The following PCDHGB7 variants were observed in gnomAD, a reference collection of about 807,000 sequenced individuals.
PCDHGB7 encodes the protein protocadherin gamma subfamily B, 7, also known as protocadherin gamma-B7.
Under a neutral mutation model 61.4 loss-of-function variants are expected in PCDHGB7, and 37 were observed. That is an observed-to-expected ratio of 0.60 (90% CI 0.46 to 0.79). The LOEUF (loss-of-function observed/expected upper bound fraction) is 0.79, where lower values mean the gene tolerates loss of function less well. Among genes scored for constraint, PCDHGB7 ranks in the 30% least tolerant of loss-of-function variants. PCDHGB7 has a pLI of 0.00. For synonymous variants in PCDHGB7, 464 were observed against 503.5 expected, an observed-to-expected ratio of 0.92 and a Z score of 1.05; for missense variants, 1,166 against 1,202.5, an observed-to-expected ratio of 0.97 and a Z score of 0.45.
intron 3 of PCDHGB7, among the ~76,000 whole-genome samples, chr5:141,505,973 G>A (rs1207489923): frequency 6.6e-6 from 1 of 152,166 alleles, no homozygotes; most frequent in Non-Finnish European, 1.5e-5. Context: ...ATCCCCAGCC[G>A]AGAGAACACC....
intron 1 of PCDHGB7, among the ~76,000 whole-genome samples, chr5:141,439,689 A>G (rs1193986599): frequency 6.6e-6 from 1 of 152,218 alleles, no homozygotes; most frequent in Non-Finnish European, 1.5e-5. Flanking sequence ...CAGACCCACA[A>G]CATTCCTATT....
chr5:141,480,250 A>T (rs2099515553), intron 1 of PCDHGB7, among the ~76,000 whole-genome samples: 2 of 151,988 alleles, frequency 1.3e-5, no homozygotes, highest in African/African-American at 4.8e-5. Context: ...CAAAAAAAAA[A>T]AAAAATGTGT....
rs551396089 is a variant in PCDHGB7, at chr5:141,423,798, A to T, written c.2415+3524A>T. On this transcript the variant is annotated intron_variant, in intron 1 of 3. Coordinates refer to ENST00000398594, the MANE Select transcript of PCDHGB7 (RefSeq NM_018927.4). ...TATTTAGTTCATATATATTTAGAGC[A>T]ATACATGTGAGTTTTACTTTGCCTT... is the stretch of plus-strand genomic sequence containing the variant. 3.3e-6 allele frequency: 4 copies of T among 1,222,280 alleles called. No homozygotes were observed. The South Asian group carries it at 1.1e-4, about 33-fold the overall frequency. 75.7% of individuals were successfully genotyped at this position (1,222,280 alleles called of 1,614,324 possible). A position where few individuals can be genotyped will look rare whatever the true frequency, so the allele number is the denominator to read the frequency against.
intron 1 of PCDHGB7, among the ~76,000 whole-genome samples, chr5:141,472,136 A>T (rs1172420221): frequency 1.1e-4 from 17 of 152,262 alleles, no homozygotes; most frequent in Non-Finnish European, 2.5e-4. Flanking sequence ...AGTTAAAAAT[A>T]AAAGTTTCAT....
chr5:141,422,685 C>G lies in PCDHGB7; in HGVS notation c.2415+2411C>G, dbSNP rs754112462. The G allele has an allele frequency of 2.5e-6, 4 of 1,605,144 alleles. No individual in the cohort carries two copies. The South Asian group carries it at 4.5e-5, about 18-fold the overall frequency. On this transcript the variant is annotated intron_variant, in intron 1 of 3. Coordinates refer to ENST00000398594, the MANE Select transcript of PCDHGB7 (RefSeq NM_018927.4). ...TCGACCCGGACAGCAAACAGAATGCCCTGGTCACTTACTCTCTGACGGATG... is the reference window on the plus strand; with the variant it reads ...TCGACCCGGACAGCAAACAGAATGCGCTGGTCACTTACTCTCTGACGGATG...
At chr5:141,463,301 A>G (rs1277348576) in intron 1 of PCDHGB7, among the ~76,000 whole-genome samples, 2 of 151,638 alleles carry the variant, frequency 1.3e-5, no homozygotes, top group South Asian at 2.1e-4. Flanking sequence ...AATCTCCCCA[A>G]ACTCTAATAT....
At chr5:141,423,598 C>A in intron 1 of PCDHGB7, 1 of 1,612,940 alleles carries the variant, frequency 6.2e-7, no homozygotes, top group East Asian at 2.2e-5. Flanking sequence ...GAAAAGCGAG[C>A]CACTCTTGAT....
intron 1 of PCDHGB7, chr5:141,421,722 G>C: frequency 6.2e-7 from 1 of 1,613,972 alleles, no homozygotes; most frequent in Non-Finnish European, 8.5e-7. Flanking sequence ...ATGTGGGCGT[G>C]AACTCCCTCC....
rs561499055 is a variant in PCDHGB7 at position 141,423,745 on chromosome 5, C to G, written c.2415+3471C>G. 10 of 605,688 alleles carry G rather than the reference C, an allele frequency of 1.7e-5. No individual in the cohort carries two copies. The East Asian group carries it at 3.1e-4, about 19-fold the overall frequency. The allele number at this position is 605,688 out of a possible 1,614,324, so 37.5% of individuals were successfully genotyped here. A position where few individuals can be genotyped will look rare whatever the true frequency, so the allele number is the denominator to read the frequency against. The stretch of plus-strand genomic sequence containing the variant: ...ATGTTTTTTGAGCCTGTTATGAAAA[C>G]TGTTTGGGGGGGGGGTGGGGCGGCA... On this transcript the variant is annotated intron_variant, in intron 1 of 3. Coordinates refer to ENST00000398594, the MANE Select transcript of PCDHGB7 (RefSeq NM_018927.4).
Position 141,419,085 on chromosome 5 carries a change from C to T in PCDHGB7, c.1226C>T (p.Ala409Val), listed in dbSNP as rs759272094. The part of the protein sequence containing the change: ...NNYYKLVTDE[A>V]LDREQTPEYN... Reference sequence around the variant, plus strand: ...TACTACAAGCTAGTAACAGATGAGGCCCTGGATCGGGAGCAGACCCCAGAG... The same window carrying T: ...TACTACAAGCTAGTAACAGATGAGGTCCTGGATCGGGAGCAGACCCCAGAG... The change falls in exon 1 of 4, where the codon GCC (alanine) becomes GTC (valine). Residue 409 changes from alanine to valine, a missense_variant. By Grantham distance (64) the Ala-to-Val change is moderately conservative. Coordinates refer to ENST00000398594, the MANE Select transcript of PCDHGB7 (RefSeq NM_018927.4). 6.2e-7 allele frequency: 1 copy of T among 1,613,936 alleles called. No homozygotes were observed. The highest frequency in any genetic ancestry group is 8.5e-7 in the Non-Finnish European group (1 of 1,179,896).
At chr5:141,451,957 A>C (rs1019378263) in intron 1 of PCDHGB7, among the ~76,000 whole-genome samples, 3 of 152,202 alleles carry the variant, frequency 2.0e-5, no homozygotes, top group African/African-American at 7.2e-5. Context: ...AGAAAGTGAC[A>C]TACCATCATT....
At chr5:141,469,886 T>A (rs766990419) in intron 1 of PCDHGB7, among the ~76,000 whole-genome samples, 4 of 152,208 alleles carry the variant, frequency 2.6e-5, no homozygotes, top group Non-Finnish European at 4.4e-5. Context: ...ATCTCGGCAC[T>A]TTGGGAAGCC....
intron 1 of PCDHGB7, among the ~76,000 whole-genome samples, chr5:141,437,310 C>T (rs1226274834): frequency 6.6e-6 from 1 of 152,166 alleles, no homozygotes; most frequent in Non-Finnish European, 1.5e-5. Flanking sequence ...TTAAAGCGTT[C>T]AGCTATAATT....
At chr5:141,479,620 G>A (rs2099501211) in intron 1 of PCDHGB7, 2 of 152,192 alleles carry the variant, frequency 1.3e-5, no homozygotes, top group African/African-American at 4.8e-5. Context: ...GGGAAACCAT[G>A]TCTCTTTAAC....
At chr5:141,421,849 G>C in intron 1 of PCDHGB7, 4 of 1,613,766 alleles carry the variant, frequency 2.5e-6, no homozygotes, top group Non-Finnish European at 3.4e-6. Flanking sequence ...GAAAGAGGCT[G>C]CTCACCTGCT....
chr5:141,422,066 A>G, intron 1 of PCDHGB7: 1 of 1,612,154 alleles, frequency 6.2e-7, no homozygotes. Context: ...GAAGTAATGT[A>G]TTCATTTCGG....
chr5:141,447,208 C>T (rs1226099966), intron 1 of PCDHGB7, among the ~76,000 whole-genome samples: 1 of 152,078 alleles, frequency 6.6e-6, no homozygotes, highest in Non-Finnish European at 1.5e-5. Flanking sequence ...GGCTTGATCT[C>T]GGCTCACTGC....
rs1326004540 is a variant in PCDHGB7 at position 141,477,117 on chromosome 5, C to T, written c.2416-17690C>T. Reference sequence around the variant, plus strand: ...GACAAGGGCGCCAATCCCGAAGGAGCACATTGCAAAGTGTTGGTGGAGGTT... The same window carrying T: ...GACAAGGGCGCCAATCCCGAAGGAGTACATTGCAAAGTGTTGGTGGAGGTT... On this transcript the variant is annotated intron_variant, in intron 1 of 3. Coordinates refer to ENST00000398594, the MANE Select transcript of PCDHGB7 (RefSeq NM_018927.4). The surrounding 1 kb of genome is among the most constrained non-coding windows in gnomAD (Gnocchi z 4.9). 1.2e-6 allele frequency: 2 copies of T among 1,614,246 alleles called. No homozygotes were observed. Among genetic ancestry groups the T allele is most frequent in the East Asian group, 4.5e-5 (2 of 44,886 alleles).
chr5:141,427,694 A>T (rs758628764), intron 1 of PCDHGB7: 2 of 913,932 alleles, frequency 2.2e-6, no homozygotes, highest in Non-Finnish European at 3.5e-6. Context: ...CCTCCATCCC[A>T]CAAGTCAGCG....
Sources: allele counts gnomAD v4.1 joint callset (sites outside exome capture counted in the v4.1 genomes callset), GRCh38; gene constraint gnomAD v4.1.1; non-coding constraint Gnocchi (gnomAD v3.1); transcripts MANE v1.5; gene names NCBI Gene and HGNC (gene_info 2026-07-23, HGNC 2026-07-21).